CCT8: variants seen among roughly 807,000 people sequenced by gnomAD.
The protein encoded by CCT8 is T-complex protein 1 subunit theta.
Under a neutral mutation model 65.7 loss-of-function variants are expected in CCT8, and 10 were observed. That is an observed-to-expected ratio of 0.15 (90% CI 0.09 to 0.26). CCT8 has a LOEUF of 0.26. Among genes scored for constraint, CCT8 ranks in the 10% least tolerant of loss-of-function variants. The probability of loss-of-function intolerance (pLI) is 1.00; values close to 1 mark genes in which losing one functional copy is unlikely to be tolerated. For synonymous variants in CCT8, 199 were observed against 221.8 expected (o/e 0.90, Z 0.92); for missense variants, 568 against 669.1 (o/e 0.85, Z 1.67).
intron 1 of CCT8, among the ~76,000 whole-genome samples, chr21:29,070,769 T>C (rs2146443045): frequency 6.6e-6 from 1 of 152,322 alleles, no homozygotes; most frequent in East Asian, 1.9e-4. Context: ...GGAACCATGC[T>C]AAGACTAATT....
intron 1 of CCT8, among the ~76,000 whole-genome samples, chr21:29,072,845 C>T (rs956550716): frequency 2.6e-5 from 4 of 152,214 alleles, no homozygotes; most frequent in Non-Finnish European, 4.4e-5. Context: ...TATCTGCACC[C>T]CTCTATCACT....
chr21:29,070,455 G>T, intron 1 of CCT8, 118 bp from the exon 2 acceptor site: 1 of 543,690 alleles, frequency 1.8e-6, no homozygotes, highest in Non-Finnish European at 3.2e-6. Context: ...GCATAGCTTA[G>T]GTATTTGGCA....
At chr21:29,068,434 C>G (rs1156706660) in intron 3 of CCT8, among the ~76,000 whole-genome samples, 2 of 151,920 alleles carry the variant, frequency 1.3e-5, no homozygotes, top group Admixed American at 6.6e-5. Flanking sequence ...AACTTAAGTT[C>G]TTTAAGAATT....
chr21:29,057,680 G>A (rs2085514644), intron 14 of CCT8, among the ~76,000 whole-genome samples: 1 of 145,548 alleles, frequency 6.9e-6, no homozygotes, highest in Non-Finnish European at 1.5e-5. Flanking sequence ...TCATATATAC[G>A]ATACATATAT....
intron 7 of CCT8, among the ~76,000 whole-genome samples, chr21:29,064,572 CT>C (rs1242470270): frequency 6.6e-6 from 1 of 152,030 alleles, no homozygotes; most frequent in Non-Finnish European, 1.5e-5. Flanking sequence ...TAAACACAAA[CT>C]TCAAACTTTC....
At chr21:29,073,311 C>A (rs545098667) in intron 1 of CCT8, 1 of 1,406,206 alleles carries the variant, frequency 7.1e-7, no homozygotes, top group African/African-American at 1.4e-5. Flanking sequence ...GATCGTGCCG[C>A]CGATCCCTCG....
intron 14 of CCT8, among the ~76,000 whole-genome samples, chr21:29,057,757 G>GATATGAGATATATATGATAT (rs1290735081): frequency 1.1e-5 from 1 of 89,346 alleles, no homozygotes; most frequent in Non-Finnish European, 3.1e-5. Flanking sequence ...GTATATGTAT[G>GATATGAGATATATATGATAT]ATATGAGATA....
chr21:29,064,811 G>A lies in CCT8; in HGVS notation c.762+157C>T, dbSNP rs536364564. Among the ~76,000 whole-genome samples the A allele has an allele frequency of 2.6e-5, 4 of 152,220 alleles. No individual in the cohort carries two copies. In the South Asian group the frequency reaches 8.3e-4, roughly 32 times the overall value. ...ATTTCCAGTTTAATGTTCAGTAGTT[G>A]AATTAGATATTTGAAGACTATAAAT... On this transcript the variant is annotated intron_variant, in intron 7 of 14. Coordinates refer to ENST00000286788, the MANE Select transcript of CCT8 (RefSeq NM_006585.4).
intron 14 of CCT8, among the ~76,000 whole-genome samples, chr21:29,057,418 G>A (rs2085510045): frequency 1.3e-5 from 2 of 151,148 alleles, no homozygotes; most frequent in South Asian, 2.1e-4. Context: ...ACCCGCCTCA[G>A]CCTCCCAAAG....
In CCT8 at chr21:29,061,417, T is replaced by C. The variant is rs1411617091; in HGVS notation, c.1285A>G (p.Thr429Ala). The C allele has an allele frequency of 6.2e-7, 1 of 1,613,918 alleles. No individual in the cohort carries two copies. Among genetic ancestry groups the C allele is most frequent in the Non-Finnish European group, 8.5e-7 (1 of 1,179,858 alleles). The change falls in exon 13 of 15, where the codon ACA (threonine) becomes GCA (alanine). Residue 429 changes from threonine to alanine, a missense_variant and splice_region_variant. Physicochemically the swap from Thr to Ala is moderately conservative, Grantham distance 58. Coordinates refer to ENST00000286788, the MANE Select transcript of CCT8 (RefSeq NM_006585.4). ...GCATACTGTTCAAGTCCAGGACATG[T>C]CTAAAACAAAAATGCGTTAATTACT... ...LAKQITSYGE[T>A]CPGLEQYAIK...
chr21:29,067,379 G>GTT (rs2146437155), intron 4 of CCT8, among the ~76,000 whole-genome samples, 177 bp downstream of exon 4: 1 of 152,282 alleles, frequency 6.6e-6, no homozygotes, highest in South Asian at 2.1e-4. Flanking sequence ...CACTAATAGG[G>GTT]TTTTTGTGAG....
chr21:29,059,234 T>G (rs1272685243), intron 14 of CCT8, among the ~76,000 whole-genome samples: 1 of 152,240 alleles, frequency 6.6e-6, no homozygotes. Context: ...TTTTCTAGAA[T>G]ATATACTATA....
At position 29,056,427 on chromosome 21, in the gene CCT8, G is replaced by T; in HGVS notation, c.*48C>A. On this transcript the variant is annotated 3_prime_UTR_variant, in exon 15 of 15. Coordinates refer to ENST00000286788, the MANE Select transcript of CCT8 (RefSeq NM_006585.4). ...TAAGAAAACATCAGGTGATTCTTGA[G>T]TACTACTACAAATACAGCCTTCACC... 1.0e-6 allele frequency: 1 copy of T among 991,356 alleles called. No individual in the cohort carries two copies. Among genetic ancestry groups the T allele is most frequent in the Non-Finnish European group, 1.4e-6 (1 of 694,200 alleles). 61.4% of individuals were successfully genotyped at this position (991,356 alleles called of 1,614,324 possible).
chr21:29,072,984 G>C (rs941463725), intron 1 of CCT8, among the ~76,000 whole-genome samples: 1 of 152,196 alleles, frequency 6.6e-6, no homozygotes, highest in Non-Finnish European at 1.5e-5. Flanking sequence ...GTTGGGACCG[G>C]AACTCATTTG....
intron 6 of CCT8, among the ~76,000 whole-genome samples, chr21:29,065,718 C>T (rs891073873): frequency 2.6e-5 from 4 of 152,148 alleles, no homozygotes; most frequent in Non-Finnish European, 4.4e-5. Context: ...AGGAATAGGA[C>T]GATTTCCACC....
rs1473251690 is a variant in CCT8 at position 29,067,604 on chromosome 21, G to C, written c.333C>G (p.Leu111=). 6.9e-7 allele frequency: 1 copy of C among 1,443,744 alleles called. No individual in the cohort carries two copies. The highest frequency in any genetic ancestry group is 1.5e-5 in the African/African-American group (1 of 67,624). 89.4% of individuals were successfully genotyped at this position (1,443,744 alleles called of 1,614,324 possible). A position where few individuals can be genotyped will look rare whatever the true frequency, so the allele number is the denominator to read the frequency against. Residue 111 remains leucine, a synonymous_variant, in exon 4 of 15, where the codon CTC becomes CTG. Coordinates refer to ENST00000286788, the MANE Select transcript of CCT8 (RefSeq NM_006585.4). ...TNFVLVFAGA[L]LELAEELLRI... is the part of the protein sequence containing the mutation. ...TCAGAAGTTCTTCAGCTAATTCCAGGAGAGCTCCAGCAAATACCAGAACAA... is the reference window on the plus strand; with the variant it reads ...TCAGAAGTTCTTCAGCTAATTCCAGCAGAGCTCCAGCAAATACCAGAACAA...
chr21:29,065,730 CACTCA>C (rs531560199), intron 6 of CCT8, among the ~76,000 whole-genome samples: 103 of 152,304 alleles, frequency 6.8e-4, no homozygotes, highest in Non-Finnish European at 1.2e-3. Context: ...ATTTCCACCC[CACTCA>C]AAACTGTCTT....
In CCT8 at chr21:29,067,662, A is replaced by T; in HGVS notation, c.275T>A (p.Met92Lys). The change falls in exon 4 of 15, where the codon ATG (methionine) becomes AAG (lysine). Residue 92 changes from methionine to lysine, a missense_variant. Met to Lys is a moderately conservative substitution (Grantham distance 95, BLOSUM62 -1). Coordinates refer to ENST00000286788, the MANE Select transcript of CCT8 (RefSeq NM_006585.4). ...GCCATCTCCAACTTCTTGCTCTTGC[A>T]TATGAGAAGCCATTACAATCATTTT... ...AAKMIVMASH[M>K]QEQEVGDGTN... 2.2e-6 allele frequency: 3 copies of T among 1,372,336 alleles called. No homozygotes were observed. The highest frequency in any genetic ancestry group is 2.8e-6 in the Non-Finnish European group (3 of 1,057,840). The allele number at this position is 1,372,336 out of a possible 1,614,324, so 85.0% of individuals were successfully genotyped here.
chr21:29,063,326 A>T (rs771967633), intron 8 of CCT8, 26 bp downstream of exon 8: 8 of 987,852 alleles, frequency 8.1e-6, no homozygotes, highest in South Asian at 3.7e-5. Flanking sequence ...TGATATAGGT[A>T]AAAAAAAAAA....
Sources: gnomAD v4.1 joint callset for allele counts (sites outside exome capture counted in the v4.1 genomes callset) on GRCh38, gnomAD v4.1.1 for gene constraint, MANE v1.5 for transcripts, NCBI Gene and HGNC (gene_info 2026-07-23, HGNC 2026-07-21) for gene names.